Variants in TENT4B observed in about 807,000 individuals in gnomAD.
TENT4B encodes PAP associated domain containing 5.
In TENT4B, 10 loss-of-function variants were observed where a neutral mutation model predicts 75.0. That is an observed-to-expected ratio of 0.13 (90% CI 0.08 to 0.23). TENT4B has a LOEUF of 0.23. Among genes scored for constraint, TENT4B ranks in the 10% least tolerant of loss-of-function variants. The pLI, the probability that TENT4B is intolerant of heterozygous loss-of-function variation, is 1.00. For synonymous variants in TENT4B, 350 were observed against 357.7 expected (o/e 0.98, Z 0.24); for missense variants, 579 against 893.8 (o/e 0.65, Z 4.49).
In TENT4B at chr16:50,232,002, A is replaced by G. The variant is rs1362255847; in HGVS notation, c.*2674A>G. 3 of 984,956 alleles carry G rather than the reference A, an allele frequency of 3.0e-6. No homozygotes were observed. The highest frequency in any genetic ancestry group is 2.3e-4 in the East Asian group (2 of 8,816). The allele number at this position is 984,956 out of a possible 1,614,324, so 61.0% of individuals were successfully genotyped here. Reference sequence around the variant, plus strand: ...ACCTTCCTTTGCTAATACTTGTTGAATGGGATTTTACAAATTCTCCCTCAC... The same window carrying G: ...ACCTTCCTTTGCTAATACTTGTTGAGTGGGATTTTACAAATTCTCCCTCAC... On this transcript the variant is annotated 3_prime_UTR_variant, in exon 12 of 12. Transcript: ENST00000561678.
At chr16:50,196,039 G>A (rs1366647976) in intron 1 of TENT4B, among the ~76,000 whole-genome samples, 1 of 152,184 alleles carries the variant, frequency 6.6e-6, no homozygotes, top group East Asian at 1.9e-4. Flanking sequence ...ACAGTATATT[G>A]TACACAGATG....
rs192642003 is a variant in TENT4B at position 50,203,782 on chromosome 16, A to G, written c.639-7541A>G. Among the ~76,000 whole-genome samples, 16 of 152,256 alleles carry G rather than the reference A, an allele frequency of 1.1e-4. No homozygotes were observed. The East Asian group carries it at 2.7e-3, about 26-fold the overall frequency. On this transcript the variant is annotated intron_variant, in intron 1 of 11. Coordinates refer to ENST00000561678, the MANE Select transcript of TENT4B (RefSeq NM_001365324.3). Reference sequence around the variant, plus strand: ...TGGGTAGATGTCCCCCTGTGAACAGAAGGTCCCTCCCTAAGGAGGTGCTTC... The same window carrying G: ...TGGGTAGATGTCCCCCTGTGAACAGGAGGTCCCTCCCTAAGGAGGTGCTTC...
intron 5 of TENT4B, among the ~76,000 whole-genome samples, chr16:50,219,091 G>A (rs1376521327): frequency 6.6e-6 from 1 of 151,858 alleles, no homozygotes; most frequent in Non-Finnish European, 1.5e-5. Flanking sequence ...CACTATATTG[G>A]GGGTGTGTGT....
chr16:50,197,125 C>CA (rs372992015), intron 1 of TENT4B, among the ~76,000 whole-genome samples: 4,111 of 142,158 alleles, frequency 0.029, 61 homozygotes, highest in South Asian at 0.055. Context: ...AAACAAAAAA[C>CA]AAAAAAAAAA....
At chr16:50,159,246 GTTTTT>G (rs71138048) in intron 1 of TENT4B, among the ~76,000 whole-genome samples, 1 of 136,430 alleles carries the variant, frequency 7.3e-6, no homozygotes, top group Non-Finnish European at 1.6e-5. Flanking sequence ...CTCTCTTTCT[GTTTTT>G]TTTTTTTTTT....
chr16:50,166,998 A>G lies in TENT4B; in HGVS notation c.638+12739A>G, dbSNP rs567786712. Among the ~76,000 whole-genome samples, 125 of 152,128 alleles carry G rather than the reference A, an allele frequency of 8.2e-4. 1 individual carries two copies. The highest frequency in any genetic ancestry group is 3.5e-4 in the Non-Finnish European group (24 of 67,990). On this transcript the variant is annotated intron_variant, in intron 1 of 11. Coordinates refer to ENST00000561678, the MANE Select transcript of TENT4B (RefSeq NM_001365324.3). ...GAGTGCAGTGGCGTGATCATAGTTC[A>G]CTGCCATTTTGCCCTCCTGGGCTCA...
Position 50,153,315 on chromosome 16 carries a change from A to AGCCGCCGCC in TENT4B, c.-294_-286dup, listed in dbSNP as rs1023664305. On this transcript the variant is annotated 5_prime_UTR_variant, in exon 1 of 12. Coordinates refer to ENST00000561678, the MANE Select transcript of TENT4B (RefSeq NM_001365324.3). ...GCCGCCGCCGCTCGCTCTTCTGTGG[A>AGCCGCCGCC]GCCGCCGCCGCCGCCGCCGCCATTT... 7.4e-5 allele frequency among the ~76,000 whole-genome samples: 10 copies of AGCCGCCGCC among 135,928 alleles called. No homozygotes were observed. Among genetic ancestry groups the AGCCGCCGCC allele is most frequent in the South Asian group, 2.4e-4 (1 of 4,172 alleles). 89.2% of individuals were successfully genotyped at this position (135,928 alleles called of 152,430 possible).
At chr16:50,198,561 T>A (rs8061683) in intron 1 of TENT4B, among the ~76,000 whole-genome samples, 3,743 of 151,510 alleles carry the variant, frequency 0.025, 150 homozygotes, top group African/African-American at 0.084. Flanking sequence ...GGTTGCATTT[T>A]AAAAAAAAAC....
rs1454327216 is a variant in TENT4B at position 50,234,973 on chromosome 16, G to T, written c.*5645G>T. 2 of 985,726 alleles carry T rather than the reference G, an allele frequency of 2.0e-6. No individual in the cohort carries two copies. Among genetic ancestry groups the T allele is most frequent in the East Asian group, 1.1e-4 (1 of 8,828 alleles). The allele number at this position is 985,726 out of a possible 1,614,324, so 61.1% of individuals were successfully genotyped here. On this transcript the variant is annotated 3_prime_UTR_variant, in exon 12 of 12. Coordinates refer to ENST00000561678, the MANE Select transcript of TENT4B (RefSeq NM_001365324.3). ...TGTGGACTCCTGTGAGGTGCTGGAG[G>T]TTTGAATCATCTTGAAAACTTTCCA...
intron 1 of TENT4B, among the ~76,000 whole-genome samples, chr16:50,189,846 G>A (rs139013666): frequency 2.4e-4 from 36 of 151,286 alleles, no homozygotes; most frequent in Admixed American, 5.3e-4. Flanking sequence ...CAGGAGTGAG[G>A]CAGGCAGATC....
rs779767372 is a variant in TENT4B at position 50,153,935 on chromosome 16, C to G, written c.314C>G (p.Pro105Arg). 8 of 1,533,288 alleles carry G rather than the reference C, an allele frequency of 5.2e-6. No individual in the cohort carries two copies. The highest frequency in any genetic ancestry group is 7.0e-6 in the Non-Finnish European group (8 of 1,145,896). The allele number at this position is 1,533,288 out of a possible 1,614,324, so 95.0% of individuals were successfully genotyped here. ...CCCGCGGAGCAGCGGGACTTCCTGCCCCTAGAGACGACCAACAACAACAAC... is the reference window on the plus strand; with the variant it reads ...CCCGCGGAGCAGCGGGACTTCCTGCGCCTAGAGACGACCAACAACAACAAC... ...ALPAEQRDFL[P>R]LETTNNNNNH... The change falls in exon 1 of 12, where the codon CCC (proline) becomes CGC (arginine). Residue 105 changes from proline (P) to arginine (R), a missense_variant. By Grantham distance (103) the Pro-to-Arg change is moderately radical. Coordinates refer to ENST00000561678, the MANE Select transcript of TENT4B (RefSeq NM_001365324.3).
chr16:50,191,762 A>G (rs1214552761), intron 1 of TENT4B, among the ~76,000 whole-genome samples: 2 of 152,096 alleles, frequency 1.3e-5, no homozygotes, highest in Admixed American at 6.5e-5. Context: ...TCTACTAAAA[A>G]TACAAAATTA....
intron 1 of TENT4B, among the ~76,000 whole-genome samples, chr16:50,155,271 G>GT (rs758374686): frequency 0.017 from 2,245 of 128,756 alleles, 30 homozygotes; most frequent in Non-Finnish European, 0.022. Flanking sequence ...TGGGTCTCGT[G>GT]GGTGTGTGTG....
chr16:50,216,423 A>G (rs1596739201), intron 4 of TENT4B, among the ~76,000 whole-genome samples: 1 of 152,062 alleles, frequency 6.6e-6, no homozygotes, highest in African/African-American at 2.4e-5. Flanking sequence ...TGATCCTTCT[A>G]CCTCAGCCTC....
At chr16:50,172,224 G>A (rs536424628) in intron 1 of TENT4B, among the ~76,000 whole-genome samples, 1 of 152,066 alleles carries the variant, frequency 6.6e-6, no homozygotes, top group African/African-American at 2.4e-5. Context: ...CATAGGTGGT[G>A]CATGCCTGTA....
intron 1 of TENT4B, among the ~76,000 whole-genome samples, chr16:50,168,224 C>T (rs763862375): frequency 2.6e-4 from 39 of 151,006 alleles, no homozygotes; most frequent in Non-Finnish European, 3.4e-4. Context: ...TGAATTACTG[C>T]CTTTGTTCAT....
intron 3 of TENT4B, 81 bp downstream of exon 3, chr16:50,214,348 C>A (rs764201538): frequency 6.6e-5 from 76 of 1,155,582 alleles, no homozygotes; most frequent in Middle Eastern, 2.6e-4. Flanking sequence ...GGAGTAGAAA[C>A]AAAACAAATT....
At chr16:50,200,973 G>T (rs1567500599) in intron 1 of TENT4B, among the ~76,000 whole-genome samples, 1 of 150,346 alleles carries the variant, frequency 6.7e-6, no homozygotes, top group Non-Finnish European at 1.5e-5. Flanking sequence ...ATTTAAAAGA[G>T]TTTTTTTTTG....
At position 50,232,274 on chromosome 16, in the gene TENT4B, G is replaced by C; in HGVS notation, c.*2946G>C. 1.0e-6 allele frequency: 1 copy of C among 985,356 alleles called. No homozygotes were observed. The highest frequency in any genetic ancestry group is 4.7e-5 in the South Asian group (1 of 21,288). 61.0% of individuals were successfully genotyped at this position (985,356 alleles called of 1,614,324 possible). A position where few individuals can be genotyped will look rare whatever the true frequency, so the allele number is the denominator to read the frequency against. ...CGCACTCAGTTTTCAAATCTAGCTT[G>C]GATCTGTAGGACCTATGTTTTTTAC... On this transcript the variant is annotated 3_prime_UTR_variant, in exon 12 of 12. Transcript: ENST00000561678.
Sources: allele counts gnomAD v4.1 joint callset (sites outside exome capture counted in the v4.1 genomes callset), GRCh38; gene constraint gnomAD v4.1.1; transcripts MANE v1.5; gene names NCBI Gene and HGNC (gene_info 2026-07-23, HGNC 2026-07-21).